The following FMNL2 variants were observed in gnomAD, a reference collection of about 807,000 sequenced individuals.
FMNL2 encodes formin-like protein 2.
A neutral mutation model predicts 130.2 loss-of-function variants in FMNL2; 51 were observed. The observed-to-expected ratio is 0.39, with a 90% CI of 0.31 to 0.49. FMNL2 has a LOEUF of 0.49. Ranked by LOEUF, FMNL2 falls within the 20% of genes least tolerant of loss-of-function variation. The probability of loss-of-function intolerance (pLI) is 0.85; values close to 1 mark genes in which losing one functional copy is unlikely to be tolerated. For synonymous variants in FMNL2, 465 were observed against 467.1 expected, an observed-to-expected ratio of 1.00 and a Z score of 0.06; for missense variants, 977 against 1,316.2, an observed-to-expected ratio of 0.74 and a Z score of 3.99.
chr2:152,480,125 A>G (rs1201647902), intron 1 of FMNL2, among the ~76,000 whole-genome samples: 1 of 152,214 alleles, frequency 6.6e-6, no homozygotes, highest in African/African-American at 2.4e-5. Context: ...CCTGGACACC[A>G]GAATGACGTA....
intron 1 of FMNL2, among the ~76,000 whole-genome samples, chr2:152,377,594 T>C (rs919688428): frequency 2.0e-5 from 3 of 152,224 alleles, no homozygotes; most frequent in African/African-American, 7.2e-5. Context: ...AGCTACTCCA[T>C]TGGACAGTAT....
At chr2:152,494,996 GTT>G (rs1408240364) in intron 1 of FMNL2, among the ~76,000 whole-genome samples, 1 of 152,176 alleles carries the variant, frequency 6.6e-6, no homozygotes, top group Non-Finnish European at 1.5e-5. Context: ...CAACTCTTTT[GTT>G]ATAGCTCAGT....
At chr2:152,373,485 T>C (rs539212574) in intron 1 of FMNL2, among the ~76,000 whole-genome samples, 7 of 152,216 alleles carry the variant, frequency 4.6e-5, no homozygotes, top group Non-Finnish European at 8.8e-5. Context: ...TCTGGGGGAT[T>C]GGTCTCAGGA....
chr2:152,339,056 A>C (rs906177386), intron 1 of FMNL2, among the ~76,000 whole-genome samples: 2 of 152,234 alleles, frequency 1.3e-5, no homozygotes, highest in African/African-American at 2.4e-5. Context: ...TGTAATAGCC[A>C]TGTGGCCCTC....
At chr2:152,521,824 G>T in intron 1 of FMNL2, 119 bp from the exon 2 acceptor site, 1 of 763,244 alleles carries the variant, frequency 1.3e-6, no homozygotes, top group East Asian at 2.7e-5. Context: ...CAGATACTAG[G>T]AATTGAGAGA....
chr2:152,385,528 G>C (rs1684731512), intron 1 of FMNL2, among the ~76,000 whole-genome samples: 1 of 152,216 alleles, frequency 6.6e-6, no homozygotes, highest in African/African-American at 2.4e-5. Flanking sequence ...CTATGAATGT[G>C]TAATATGTTG....
At chr2:152,362,603 G>A (rs1286054291) in intron 1 of FMNL2, among the ~76,000 whole-genome samples, 2 of 150,974 alleles carry the variant, frequency 1.3e-5, no homozygotes, top group Admixed American at 1.3e-4. Flanking sequence ...TTTTTTTTGT[G>A]ATAGTGCAGA....
intron 1 of FMNL2, among the ~76,000 whole-genome samples, chr2:152,484,606 T>TA (rs564095690): frequency 6.6e-6 from 1 of 151,866 alleles, no homozygotes; most frequent in East Asian, 1.9e-4. Flanking sequence ...CTCATCTCTA[T>TA]AAAAAACTTA....
intron 1 of FMNL2, among the ~76,000 whole-genome samples, chr2:152,438,136 T>G (rs73002253): frequency 0.026 from 3,943 of 152,306 alleles, 178 homozygotes; most frequent in African/African-American, 0.09. Context: ...AAGGAAAAAT[T>G]GGATAAAAAG....
chr2:152,397,188 A>ATTTGC (rs1436853024), intron 1 of FMNL2, among the ~76,000 whole-genome samples: 1 of 152,178 alleles, frequency 6.6e-6, no homozygotes, highest in African/African-American at 2.4e-5. Context: ...AGGGAGGAAA[A>ATTTGC]TTGAGAAGAA....
rs576438588 is a variant in FMNL2 at position 152,493,446 on chromosome 2, T to C, written c.118-28497T>C. Among the ~76,000 whole-genome samples the C allele has an allele frequency of 7.2e-5, 11 of 152,302 alleles. No homozygotes were observed. The South Asian group carries it at 2.3e-3, about 32-fold the overall frequency. ...AAGGTGCTGTTAATATGAGCGGTGT[T>C]GTAGTTTGGATATTTAACCCTCTAA... On this transcript the variant is annotated intron_variant, in intron 1 of 25. Transcript: ENST00000288670.
intron 1 of FMNL2, among the ~76,000 whole-genome samples, chr2:152,342,171 CTCT>C (rs1481920139): frequency 3.9e-5 from 6 of 152,202 alleles, no homozygotes; most frequent in African/African-American, 4.8e-5. Context: ...ATGAACAGTG[CTCT>C]TCTTTTTCAT....
intron 1 of FMNL2, among the ~76,000 whole-genome samples, chr2:152,342,820 C>T (rs1039809286): frequency 6.6e-6 from 1 of 152,164 alleles, no homozygotes; most frequent in Non-Finnish European, 1.5e-5. Context: ...GAGATGTGGA[C>T]CAGACGGGCT....
chr2:152,454,846 G>C (rs1688864049), intron 1 of FMNL2, among the ~76,000 whole-genome samples: 1 of 152,220 alleles, frequency 6.6e-6, no homozygotes, highest in East Asian at 1.9e-4. Flanking sequence ...CCTCAGAGAA[G>C]AGCACTGACT....
At position 152,580,998 on chromosome 2, in the gene FMNL2, T is replaced by C; in HGVS notation, c.825T>C (p.Leu275=). The change falls in exon 9 of 26, where the codon CTT becomes CTC. Residue 275 remains leucine (L), a synonymous_variant. Coordinates refer to ENST00000288670, the MANE Select transcript of FMNL2 (RefSeq NM_052905.4). ...TAGAACTGTTGGCAGCCGTTTGTCT[T>C]GTCAGAGGCGGGCATGAAATCATTT... is the stretch of plus-strand genomic sequence containing the variant. ...LVLELLAAVC[L]VRGGHEIILS... 2 of 1,613,958 alleles carry C rather than the reference T, an allele frequency of 1.2e-6. No individual in the cohort carries two copies. The highest frequency in any genetic ancestry group is 1.7e-6 in the Non-Finnish European group (2 of 1,179,850).
intron 1 of FMNL2, among the ~76,000 whole-genome samples, chr2:152,380,741 C>A (rs1328936154): frequency 6.6e-6 from 1 of 152,098 alleles, no homozygotes; most frequent in African/African-American, 2.4e-5. Flanking sequence ...CTCTATACAC[C>A]CAGTATAGTT....
At chr2:152,461,153 T>C (rs998717898) in intron 1 of FMNL2, among the ~76,000 whole-genome samples, 2 of 152,180 alleles carry the variant, frequency 1.3e-5, no homozygotes, top group Non-Finnish European at 2.9e-5. Flanking sequence ...AATAGAAATA[T>C]GTGAACCATA....
chr2:152,468,180 A>G (rs1289710570), intron 1 of FMNL2, among the ~76,000 whole-genome samples: 2 of 152,234 alleles, frequency 1.3e-5, no homozygotes, highest in African/African-American at 4.8e-5. Context: ...TGACTTTATT[A>G]CAGCCCTTGA....
At chr2:152,338,660 A>G (rs1318812750) in intron 1 of FMNL2, among the ~76,000 whole-genome samples, 1 of 152,214 alleles carries the variant, frequency 6.6e-6, no homozygotes, top group Non-Finnish European at 1.5e-5. Flanking sequence ...ATTGGATCCC[A>G]GTGTTAGGAG....
Sources: gnomAD v4.1 joint callset for allele counts (sites outside exome capture counted in the v4.1 genomes callset) on GRCh38, gnomAD v4.1.1 for gene constraint, MANE v1.5 for transcripts, NCBI Gene and HGNC (gene_info 2026-07-23, HGNC 2026-07-21) for gene names.